SOCS2: variants seen among roughly 807,000 people sequenced by gnomAD.
SOCS2 encodes CIS-2.
A neutral mutation model predicts 18.6 loss-of-function variants in SOCS2; 10 were observed. The ratio of observed to expected loss-of-function variants is 0.54; its 90% confidence interval spans 0.33 to 0.91. SOCS2 has a LOEUF of 0.91. Among genes scored for constraint, SOCS2 ranks in the 40% least tolerant of loss-of-function variants. The pLI is 0.02. For missense variants in SOCS2, 231 were observed against 247.2 expected (o/e 0.93, Z 0.44); for synonymous variants, 104 against 104.0 (o/e 1.00, Z 0.00).
the SOCS2 span, among the ~76,000 whole-genome samples, chr12:93,615,416 T>C: frequency 6.6e-6 from 1 of 152,342 alleles, no homozygotes; most frequent in South Asian, 2.1e-4. Flanking sequence ...GCAGGGATCC[T>C]GCAGAGTAGA....
At chr12:93,574,513 G>A (rs968924173) in intron 1 of SOCS2, 10 of 425,670 alleles carry the variant, frequency 2.3e-5, no homozygotes, top group Non-Finnish European at 2.5e-5. Flanking sequence ...CTGGCTCGCC[G>A]TTTGTGTTCA....
chr12:93,594,121 G>GT, the SOCS2 span, among the ~76,000 whole-genome samples: 1 of 152,078 alleles, frequency 6.6e-6, no homozygotes, highest in African/African-American at 2.4e-5. Context: ...AAAATAAATT[G>GT]TTTTTTGAAA....
rs1954464444 is a variant in SOCS2, at chr12:93,576,444, C to T, written c.*1265C>T. On this transcript the variant is annotated 3_prime_UTR_variant, in exon 2 of 2. Transcript: ENST00000551556. ...ATTTGAATAGGCATAACACTGATGT[C>T]CTCTGTGTTTCCAAAAACATGGTTT... 6.6e-6 allele frequency: 1 copy of T among 152,200 alleles called. No individual in the cohort carries two copies. Among genetic ancestry groups the T allele is most frequent in the Admixed American group, 6.5e-5 (1 of 15,278 alleles). 9.4% of individuals were successfully genotyped at this position (152,200 alleles called of 1,614,324 possible). A position where few individuals can be genotyped will look rare whatever the true frequency, so the allele number is the denominator to read the frequency against.
the SOCS2 span, among the ~76,000 whole-genome samples, chr12:93,614,445 T>C: frequency 1.4e-5 from 1 of 70,938 alleles, no homozygotes; most frequent in Non-Finnish European, 2.5e-5. Context: ...CTTCCTTCCT[T>C]CCTTCCTTCC....
chr12:93,600,074 T>C, the SOCS2 span, among the ~76,000 whole-genome samples: 1 of 152,360 alleles, frequency 6.6e-6, no homozygotes, highest in East Asian at 1.9e-4. Flanking sequence ...CATTTTGTGT[T>C]TTCCTACCCT....
At chr12:93,583,920 G>C (rs1350875992), downstream of SOCS2, among the ~76,000 whole-genome samples, 1 of 152,188 alleles carries the variant, frequency 6.6e-6, no homozygotes, top group Non-Finnish European at 1.5e-5. Flanking sequence ...ATTTAATAGT[G>C]TCGAAAGACA....
downstream of SOCS2, among the ~76,000 whole-genome samples, chr12:93,588,396 A>G (rs1954596951): frequency 6.6e-6 from 1 of 152,214 alleles, no homozygotes; most frequent in Non-Finnish European, 1.5e-5. Context: ...TTACATTTTA[A>G]TATAATGTAT....
In SOCS2 at chr12:93,572,971, C is replaced by T. The variant is rs1954310428; in HGVS notation, c.74C>T (p.Ser25Leu). The T allele has an allele frequency of 2.6e-6, 4 of 1,567,418 alleles. No homozygotes were observed. Among genetic ancestry groups the T allele is most frequent in the East Asian group, 2.4e-5 (1 of 42,290 alleles). The change falls in exon 1 of 2, where the codon TCG becomes TTG. Residue 25 changes from serine to leucine, a missense_variant. Around this residue, in one of 3 missense-constraint regions of SOCS2, gnomAD observed 106 missense variants for 103.8 expected, o/e 1.02. Coordinates refer to ENST00000551556, the MANE Select transcript of SOCS2 (RefSeq NM_001270471.2). This position sits in a 1 kb window ranked among gnomAD's most constrained non-coding sequence, Gnocchi z 5.0. ...CGGAGCCAGTGGGGGACCGCGGGGT[C>T]GGCGGAGGAGCCATCCCCGCAGGCG... Reference protein sequence around the residue: ...GTRSQWGTAGSAEEPSPQAAR... With the variant: ...GTRSQWGTAGLAEEPSPQAAR...
the SOCS2 span, among the ~76,000 whole-genome samples, chr12:93,623,005 G>C: frequency 6.6e-6 from 1 of 152,272 alleles, no homozygotes; most frequent in African/African-American, 2.4e-5. Context: ...TTGCTGTTTA[G>C]AGTTTGAAAT....
the SOCS2 span, among the ~76,000 whole-genome samples, chr12:93,593,939 A>C: frequency 1.3e-5 from 2 of 152,258 alleles, no homozygotes; most frequent in Non-Finnish European, 2.9e-5. Flanking sequence ...AAGAGCGTAG[A>C]AAACCTGTTT....
At chr12:93,584,857 G>T (rs923925171), downstream of SOCS2, among the ~76,000 whole-genome samples, 3 of 152,008 alleles carry the variant, frequency 2.0e-5, no homozygotes, top group African/African-American at 7.3e-5. Flanking sequence ...CTGCCTCCCA[G>T]GTTCAAGTGA....
chr12:93,604,996 G>A, the SOCS2 span, among the ~76,000 whole-genome samples: 8 of 151,266 alleles, frequency 5.3e-5, no homozygotes, highest in Admixed American at 5.3e-4. Context: ...TTGCTCACAT[G>A]TATAGGGTAA....
At position 93,575,054 on chromosome 12, in the gene SOCS2, A is replaced by G; in HGVS notation, c.472A>G (p.Thr158Ala). The change falls in exon 2 of 2, where the codon ACG becomes GCG. Residue 158 changes from threonine to alanine, a missense_variant. Physicochemically the swap from Thr to Ala is moderately conservative, Grantham distance 58. Around this residue, in one of 3 missense-constraint regions of SOCS2, gnomAD observed 122 missense variants for 127.2 expected, o/e 0.96. Coordinates refer to ENST00000551556, the MANE Select transcript of SOCS2 (RefSeq NM_001270471.2). ...CCTTTATCTGACCAAACCGCTCTAC[A>G]CGTCAGCACCATCTCTGCAGCATCT... is the stretch of plus-strand genomic sequence containing the variant. ...VHLYLTKPLYTSAPSLQHLCR... is the reference protein window; with the variant it reads ...VHLYLTKPLYASAPSLQHLCR... 6.2e-7 allele frequency: 1 copy of G among 1,614,154 alleles called. No individual in the cohort carries two copies. Among genetic ancestry groups the G allele is most frequent in the Non-Finnish European group, 8.5e-7 (1 of 1,180,016 alleles).
At chr12:93,611,811 G>A in the SOCS2 span, among the ~76,000 whole-genome samples, 1 of 152,046 alleles carries the variant, frequency 6.6e-6, no homozygotes, top group African/African-American at 2.4e-5. Context: ...TCAATAATCA[G>A]TACTATTATG....
At chr12:93,613,643 AT>A in the SOCS2 span, among the ~76,000 whole-genome samples, 8 of 152,354 alleles carry the variant, frequency 5.3e-5, no homozygotes, top group Non-Finnish European at 1.0e-4. Context: ...CTAAAGAGAA[AT>A]TGTCATTGCC....
At chr12:93,605,112 T>G in the SOCS2 span, among the ~76,000 whole-genome samples, 1 of 152,168 alleles carries the variant, frequency 6.6e-6, no homozygotes, top group Admixed American at 6.5e-5. Flanking sequence ...TTTCTTACTT[T>G]TAATTTAAAA....
At chr12:93,614,634 T>TA in the SOCS2 span, among the ~76,000 whole-genome samples, 14 of 137,494 alleles carry the variant, frequency 1.0e-4, 3 homozygotes, top group African/African-American at 3.9e-4. Context: ...TTTCTTTCTT[T>TA]TGATGGAGTC....
In SOCS2 at chr12:93,576,600, A is replaced by G. The variant is rs990126503; in HGVS notation, c.*1421A>G. Reference sequence around the variant, plus strand: ...TCTGCATAACTGTTATAAATGTACCATCTTTTCTAGAGTCCAGACATTATT... The same window carrying G: ...TCTGCATAACTGTTATAAATGTACCGTCTTTTCTAGAGTCCAGACATTATT... On this transcript the variant is annotated 3_prime_UTR_variant, in exon 2 of 2. Transcript: ENST00000551556. 3 of 152,224 alleles carry G rather than the reference A, an allele frequency of 2.0e-5. No individual in the cohort carries two copies. The highest frequency in any genetic ancestry group is 7.2e-5 in the African/African-American group (3 of 41,448). The allele number at this position is 152,224 out of a possible 1,614,324, so 9.4% of individuals were successfully genotyped here.
At chr12:93,579,335 T>A (rs1005276507), downstream of SOCS2, among the ~76,000 whole-genome samples, 13 of 152,232 alleles carry the variant, frequency 8.5e-5, no homozygotes, top group African/African-American at 3.1e-4. Context: ...CTCCTTGAGT[T>A]GGGTAATTGA....
Sources: gnomAD v4.1 joint callset for allele counts (sites outside exome capture counted in the v4.1 genomes callset) on GRCh38, gnomAD v4.1.1 for gene constraint, gnomAD v4.1.1 regional missense constraint, Gnocchi (gnomAD v3.1) non-coding constraint, MANE v1.5 for transcripts, NCBI Gene and HGNC (gene_info 2026-07-23, HGNC 2026-07-21) for gene names.